ASIC2: variants seen among roughly 807,000 people sequenced by gnomAD.
The protein encoded by ASIC2 is acid sensing ion channel subunit 2.
In ASIC2, 25 loss-of-function variants were observed where a neutral mutation model predicts 57.3. That is an observed-to-expected ratio of 0.44 (90% CI 0.32 to 0.61). ASIC2 has a LOEUF of 0.61. Ranked by LOEUF, ASIC2 falls within the 20% of genes least tolerant of loss-of-function variation. The pLI is 0.06. For missense variants in ASIC2, 641 were observed against 738.1 expected (o/e 0.87, Z 1.52); for synonymous variants, 319 against 307.5 (o/e 1.04, Z -0.39).
At chr17:33,785,304 G>C (rs1470730320) in intron 1 of ASIC2, among the ~76,000 whole-genome samples, 1 of 152,140 alleles carries the variant, frequency 6.6e-6, no homozygotes, top group East Asian at 1.9e-4. Context: ...TCCAGCCTCT[G>C]GAACTGTGAG....
chr17:34,001,478 C>T (rs1906338026), intron 1 of ASIC2: 1 of 152,502 alleles, frequency 6.6e-6, no homozygotes, highest in Non-Finnish European at 1.5e-5. Context: ...CTGGCATCAG[C>T]ATCCACTGAG....
chr17:33,013,862 T>G lies in ASIC2; in HGVS notation c.*103A>C. On this transcript the variant is annotated 3_prime_UTR_variant, in exon 10 of 10. Coordinates refer to ENST00000225823, the MANE Select transcript of ASIC2 (RefSeq NM_183377.2). ...AATGTGTGCATAGGGGGCTCTTGCT[T>G]CTTTCCAGCACTGGGGCCATCCCAC... 1.9e-6 allele frequency: 2 copies of G among 1,067,570 alleles called. No individual in the cohort carries two copies. The highest frequency in any genetic ancestry group is 2.4e-4 in the Middle Eastern group (1 of 4,104). 66.1% of individuals were successfully genotyped at this position (1,067,570 alleles called of 1,614,324 possible). A position where few individuals can be genotyped will look rare whatever the true frequency, so the allele number is the denominator to read the frequency against.
chr17:33,582,181 A>G (rs1904466280), intron 1 of ASIC2, among the ~76,000 whole-genome samples: 2 of 152,210 alleles, frequency 1.3e-5, no homozygotes, highest in South Asian at 4.1e-4. Flanking sequence ...AATGTAATCT[A>G]CAAAATAGGA....
chr17:33,857,194 C>T (rs1031629989), intron 1 of ASIC2, among the ~76,000 whole-genome samples: 2 of 152,190 alleles, frequency 1.3e-5, no homozygotes, highest in Non-Finnish European at 2.9e-5. Context: ...CTTTCTGCTG[C>T]TGGTCAACCA....
chr17:33,861,785 C>A (rs1254113669), intron 1 of ASIC2, among the ~76,000 whole-genome samples: 2 of 152,186 alleles, frequency 1.3e-5, no homozygotes, highest in Non-Finnish European at 2.9e-5. Flanking sequence ...ATCCAAGTAC[C>A]TCTATGGTCA....
chr17:33,202,958 G>A (rs538493490), intron 1 of ASIC2, among the ~76,000 whole-genome samples: 87 of 152,268 alleles, frequency 5.7e-4, no homozygotes, highest in Non-Finnish European at 9.3e-4. Flanking sequence ...ACTCCTCTGC[G>A]TCCTGCTCAC....
intron 1 of ASIC2, among the ~76,000 whole-genome samples, chr17:34,154,499 C>T (rs1196406274): frequency 6.6e-6 from 1 of 152,186 alleles, no homozygotes; most frequent in African/African-American, 2.4e-5. Flanking sequence ...AGAGTTCTAG[C>T]ACACAGACTG....
intron 1 of ASIC2, among the ~76,000 whole-genome samples, chr17:33,505,565 T>C (rs147357398): frequency 6.6e-6 from 1 of 152,312 alleles, no homozygotes; most frequent in East Asian, 1.9e-4. Flanking sequence ...CTTTTTATGG[T>C]TCCCCATCAT....
chr17:33,673,982 C>T (rs1407517039), intron 1 of ASIC2, among the ~76,000 whole-genome samples: 1 of 151,524 alleles, frequency 6.6e-6, no homozygotes, highest in Non-Finnish European at 1.5e-5. Flanking sequence ...CAAGCTCCGT[C>T]TCCTGGGTTC....
chr17:33,856,456 G>C (rs865792012), intron 1 of ASIC2, among the ~76,000 whole-genome samples: 1 of 116,692 alleles, frequency 8.6e-6, no homozygotes, highest in Non-Finnish European at 1.9e-5. Flanking sequence ...AGTAGTAATA[G>C]TCTTATCAGT....
chr17:33,897,390 C>T (rs535096169), intron 1 of ASIC2, among the ~76,000 whole-genome samples: 1 of 152,360 alleles, frequency 6.6e-6, no homozygotes, highest in African/African-American at 2.4e-5. Flanking sequence ...CCCCATTGCA[C>T]TTTGCACTGT....
chr17:33,051,058 C>T (rs2091973449), intron 3 of ASIC2, among the ~76,000 whole-genome samples: 1 of 152,070 alleles, frequency 6.6e-6, no homozygotes, highest in South Asian at 2.1e-4. Context: ...AGTCCCATAC[C>T]AAGGTACCCC....
At chr17:33,211,950 C>CT (rs139055465) in intron 1 of ASIC2, among the ~76,000 whole-genome samples, 4,329 of 152,106 alleles carry the variant, frequency 0.028, 218 homozygotes, top group African/African-American at 0.095. Context: ...TGGATCCTAT[C>CT]GATCCTCACT....
chr17:33,308,999 T>C (rs1053192361), intron 1 of ASIC2, among the ~76,000 whole-genome samples: 9 of 152,196 alleles, frequency 5.9e-5, no homozygotes, highest in Non-Finnish European at 1.3e-4. Context: ...TCCAGGCTGA[T>C]AAATGCTTGC....
chr17:33,882,664 C>G (rs952940291), intron 1 of ASIC2, among the ~76,000 whole-genome samples: 25 of 152,174 alleles, frequency 1.6e-4, no homozygotes, highest in Non-Finnish European at 2.9e-4. Flanking sequence ...GTTGGTGGGA[C>G]TGTAAACTAG....
chr17:33,372,165 G>A (rs771908749), intron 1 of ASIC2, among the ~76,000 whole-genome samples: 19 of 152,130 alleles, frequency 1.2e-4, no homozygotes, highest in Non-Finnish European at 2.5e-4. Context: ...GAGTGTCCAT[G>A]TTTTTAAGAA....
intron 1 of ASIC2, among the ~76,000 whole-genome samples, chr17:33,401,723 AG>A (rs1910293508): frequency 6.6e-6 from 1 of 152,216 alleles, no homozygotes; most frequent in South Asian, 2.1e-4. Flanking sequence ...TTCGCTTCCC[AG>A]GAGACAATCC....
At chr17:33,484,906 A>G (rs1344315195) in intron 1 of ASIC2, among the ~76,000 whole-genome samples, 1 of 152,256 alleles carries the variant, frequency 6.6e-6, no homozygotes, top group Non-Finnish European at 1.5e-5. Context: ...GTAGATATAA[A>G]TACAACTGCA....
At chr17:33,977,509 A>G (rs1905437882) in intron 1 of ASIC2, among the ~76,000 whole-genome samples, 1 of 152,200 alleles carries the variant, frequency 6.6e-6, no homozygotes, top group African/African-American at 2.4e-5. Flanking sequence ...GCACGTCTAG[A>G]TTTCACATTT....
Sources: allele counts gnomAD v4.1 joint callset (sites outside exome capture counted in the v4.1 genomes callset), GRCh38; gene constraint gnomAD v4.1.1; transcripts MANE v1.5; gene names NCBI Gene and HGNC (gene_info 2026-07-23, HGNC 2026-07-21).